DLL3: variants seen among roughly 807,000 people sequenced by gnomAD.
The protein encoded by DLL3 is delta like canonical Notch ligand 3, also known as delta-like protein 3.
Under a neutral mutation model 55.0 loss-of-function variants are expected in DLL3, and 49 were observed. The observed-to-expected ratio is 0.89, with a 90% CI of 0.71 to 1.13. The LOEUF (loss-of-function observed/expected upper bound fraction) is 1.13, where lower values mean the gene tolerates loss of function less well. Ranked by LOEUF, DLL3 falls within the 50% of genes most tolerant of loss-of-function variation. The probability of loss-of-function intolerance (pLI) is 0.00; values close to 1 mark genes in which losing one functional copy is unlikely to be tolerated. For missense variants in DLL3, 962 were observed against 875.5 expected (o/e 1.10, Z -1.25); for synonymous variants, 421 against 385.2 (o/e 1.09, Z -1.09).
At position 39,499,220 on chromosome 19, in the gene DLL3, A is replaced by G. The variant is rs1343166766; in HGVS notation, c.98A>G (p.Gln33Arg). Residue 33 changes from glutamine (Q) to arginine (R), a missense_variant, in exon 2 of 9, where the codon CAG becomes CGG. By Grantham distance (43) the Gln-to-Arg change is conservative (BLOSUM62 1). Transcript: ENST00000356433. ...CGGCCCGCTGGCGTCTTCGAGCTGC[A>G]GATCCACTCTTTCGGGCCGGGTCCA... ...QTRPAGVFEL[Q>R]IHSFGPGPGP... 6.4e-7 allele frequency: 1 copy of G among 1,562,332 alleles called. No individual in the cohort carries two copies. The highest frequency in any genetic ancestry group is 2.4e-5 in the East Asian group (1 of 42,072).
At chr19:39,500,566 C>A in intron 2 of DLL3, 49 bp from the exon 3 acceptor site, 1 of 1,559,784 alleles carries the variant, frequency 6.4e-7, no homozygotes, top group South Asian at 1.1e-5. Flanking sequence ...AGTACTTACC[C>A]TAACCACTGT....
Position 39,503,022 on chromosome 19 carries a change from C to G in DLL3, c.617C>G (p.Pro206Arg). 1 of 1,515,874 alleles carries G rather than the reference C, an allele frequency of 6.6e-7. No individual in the cohort carries two copies. Among genetic ancestry groups the G allele is most frequent in the Non-Finnish European group, 8.8e-7 (1 of 1,138,964 alleles). The allele number at this position is 1,515,874 out of a possible 1,614,324, so 93.9% of individuals were successfully genotyped here. The change falls in exon 4 of 9, where the codon CCC becomes CGC. Residue 206 changes from proline (P) to arginine (R), a missense_variant. Pro to Arg is a moderately radical substitution (Grantham distance 103). Transcript: ENST00000356433. ...APSRCGPGLR[P>R]CAPLEDECEA... Reference sequence around the variant, plus strand: ...TCGCGGTGCGGTCCGGGACTGCGCCCCTGCGCACCGCTCGAGGACGAATGT... The same window carrying G: ...TCGCGGTGCGGTCCGGGACTGCGCCGCTGCGCACCGCTCGAGGACGAATGT...
At position 39,502,813 on chromosome 19, in the gene DLL3, A is replaced by T; in HGVS notation, c.410-2A>T. The T allele has an allele frequency of 7.0e-7, 1 of 1,419,554 alleles. No homozygotes were observed. Among genetic ancestry groups the T allele is most frequent in the Non-Finnish European group, 9.2e-7 (1 of 1,091,930 alleles). 87.9% of individuals were successfully genotyped at this position (1,419,554 alleles called of 1,614,324 possible). A position where few individuals can be genotyped will look rare whatever the true frequency, so the allele number is the denominator to read the frequency against. ...GCACCCCTCCTTTGCCTGTCCTCGC[A>T]GGGCCCGCCTGGAGCCTGCTGGCGC... On this transcript the variant is annotated splice_acceptor_variant, in intron 3 of 8. Transcript: ENST00000356433. LOFTEE classifies it high-confidence loss of function.
chr19:39,500,359 G>A (rs572419724), intron 2 of DLL3, among the ~76,000 whole-genome samples: 2 of 151,058 alleles, frequency 1.3e-5, no homozygotes, highest in African/African-American at 4.8e-5. Flanking sequence ...AGCCTCGGAG[G>A]TTGTTGCAGT....
chr19:39,507,083 C>A lies in DLL3; in HGVS notation c.1138C>A (p.Arg380Ser). ...DLGHALRCRC[R>S]AGFAGPRCEH... ...GGGCCACGCCCTGCGCTGCCGCTGCCGCGCCGGCTTCGCGGGTCCTCGCTG... is the reference window on the plus strand; with the variant it reads ...GGGCCACGCCCTGCGCTGCCGCTGCAGCGCCGGCTTCGCGGGTCCTCGCTG... The change falls in exon 7 of 9, where the codon CGC (arginine) becomes AGC (serine). Residue 380 changes from arginine to serine, a missense_variant. Arg to Ser is a moderately radical substitution (Grantham distance 110). Transcript: ENST00000356433. 6.5e-7 allele frequency: 1 copy of A among 1,543,378 alleles called. No homozygotes were observed. The highest frequency in any genetic ancestry group is 8.7e-7 in the Non-Finnish European group (1 of 1,151,660).
At position 39,505,233 on chromosome 19, in the gene DLL3, C is replaced by T; in HGVS notation, c.875C>T (p.Thr292Ile). 1 of 1,614,008 alleles carries T rather than the reference C, an allele frequency of 6.2e-7. No homozygotes were observed. Among genetic ancestry groups the T allele is most frequent in the Non-Finnish European group, 8.5e-7 (1 of 1,180,024 alleles). The change falls in exon 6 of 9, where the codon ACA becomes ATA. Residue 292 changes from threonine (T) to isoleucine (I), a missense_variant. Thr to Ile is a moderately conservative substitution (Grantham distance 89, BLOSUM62 -1). Coordinates refer to ENST00000356433, the MANE Select transcript of DLL3 (RefSeq NM_203486.3). ...PCANGGSCSE[T>I]PRSFECTCPR... ...AGTACTCTTGTCCCTGCCCAGGAGACACCCAGGTCCTTTGAATGCACCTGC... is the reference window on the plus strand; with the variant it reads ...AGTACTCTTGTCCCTGCCCAGGAGATACCCAGGTCCTTTGAATGCACCTGC...
rs751999027 is a variant in DLL3 at position 39,507,900 on chromosome 19, A to G, written c.1744A>G (p.Ile582Val). 6 of 1,613,882 alleles carry G rather than the reference A, an allele frequency of 3.7e-6. No individual in the cohort carries two copies. The Admixed American group carries it at 8.3e-5, about 22-fold the overall frequency. ...QGIYVISAPS[I>V]YAREA Reference sequence around the variant, plus strand: ...GATTTATGTCATATCTGCTCCTTCCATCTACGCTCGGGAGGTAGCGACGCC... The same window carrying G: ...GATTTATGTCATATCTGCTCCTTCCGTCTACGCTCGGGAGGTAGCGACGCC... The change falls in exon 8 of 9, where the codon ATC (isoleucine) becomes GTC (valine). Residue 582 changes from isoleucine (I) to valine (V), a missense_variant. Transcript: ENST00000356433.
chr19:39,499,141 G>A (rs906170420), intron 1 of DLL3, 51 bp from the exon 2 acceptor site: 1 of 1,607,268 alleles, frequency 6.2e-7, no homozygotes. Flanking sequence ...GGGGCGGACG[G>A]GAAGCCTGGG....
intron 3 of DLL3, 114 bp from the exon 4 acceptor site, chr19:39,502,701 T>C (rs1461727291): frequency 2.4e-6 from 3 of 1,241,928 alleles, no homozygotes; most frequent in Non-Finnish European, 3.0e-6. Context: ...CAGGGCTCCA[T>C]GAGGGTGTTT....
intron 4 of DLL3, among the ~76,000 whole-genome samples, chr19:39,503,463 C>T (rs1600755083): frequency 6.6e-6 from 1 of 152,216 alleles, no homozygotes; most frequent in East Asian, 1.9e-4. Context: ...CAAAGCTCTT[C>T]TAATTCTGCG....
Position 39,507,107 on chromosome 19 carries a change from T to G in DLL3, c.1162T>G (p.Cys388Gly). Residue 388 changes from cysteine (C) to glycine (G), a missense_variant, in exon 7 of 9, where the codon TGC becomes GGC. Cys to Gly is a radical substitution (Grantham distance 159). Coordinates refer to ENST00000356433, the MANE Select transcript of DLL3 (RefSeq NM_203486.3). Reference protein sequence around the residue: ...RCRAGFAGPRCEHDLDDCAGR... With the variant: ...RCRAGFAGPRGEHDLDDCAGR... ...CCGCGCCGGCTTCGCGGGTCCTCGC[T>G]GCGAGCACGACCTGGACGACTGCGC... 6.5e-7 allele frequency: 1 copy of G among 1,542,988 alleles called. No homozygotes were observed. The highest frequency in any genetic ancestry group is 8.7e-7 in the Non-Finnish European group (1 of 1,151,670).
rs774671566 is a variant in DLL3, at chr19:39,499,381, G to C, written c.259G>C (p.Gly87Arg). 1.1e-5 allele frequency: 18 copies of C among 1,569,124 alleles called. No individual in the cohort carries two copies. The highest frequency in any genetic ancestry group is 1.3e-5 in the Non-Finnish European group (15 of 1,164,774). Residue 87 changes from glycine to arginine, a missense_variant, in exon 2 of 9, where the codon GGA (glycine) becomes CGA (arginine). By Grantham distance (125) the Gly-to-Arg change is moderately radical. Coordinates refer to ENST00000356433, the MANE Select transcript of DLL3 (RefSeq NM_203486.3). ...CALGAALSAR[G>R]PVYTEQPGAP... ...CCTGGGCGCGGCGCTGAGTGCGCGC[G>C]GACCGGTCTACACCGAGCAGCCCGG...
At position 39,505,330 on chromosome 19, in the gene DLL3, C is replaced by T. The variant is rs756522217; in HGVS notation, c.972C>T (p.Gly324=). The T allele has an allele frequency of 1.2e-5, 20 of 1,614,084 alleles. No individual in the cohort carries two copies. Among genetic ancestry groups the T allele is most frequent in the African/African-American group, 1.2e-4 (9 of 74,930 alleles). The change falls in exon 6 of 9, where the codon GGC becomes GGT. Residue 324 remains glycine (G), a synonymous_variant. Coordinates refer to ENST00000356433, the MANE Select transcript of DLL3 (RefSeq NM_203486.3). ...VTCADGPCFN[G]GLCVGGADPD... ...GTGCAGATGGACCCTGCTTCAACGGCGGCTTGTGTGTCGGGGGTGCAGACC... is the reference window on the plus strand; with the variant it reads ...GTGCAGATGGACCCTGCTTCAACGGTGGCTTGTGTGTCGGGGGTGCAGACC...
At chr19:39,505,099 C>T in intron 5 of DLL3, 130 bp from the exon 6 acceptor site, 2 of 896,806 alleles carry the variant, frequency 2.2e-6, no homozygotes, top group East Asian at 2.6e-5. Flanking sequence ...GGGAGGACCT[C>T]CCAGGGTGGC....
intron 2 of DLL3, 94 bp from the exon 3 acceptor site, chr19:39,500,521 C>A: frequency 2.6e-6 from 3 of 1,134,150 alleles, no homozygotes; most frequent in Non-Finnish European, 4.0e-6. Flanking sequence ...CAGCAATGGC[C>A]ATCACCCTCC....
chr19:39,502,886 G>A lies in DLL3; in HGVS notation c.481G>A (p.Asp161Asn). 2 of 1,440,728 alleles carry A rather than the reference G, an allele frequency of 1.4e-6. No individual in the cohort carries two copies. Among genetic ancestry groups the A allele is most frequent in the Non-Finnish European group, 1.8e-6 (2 of 1,102,448 alleles). The allele number at this position is 1,440,728 out of a possible 1,614,324, so 89.2% of individuals were successfully genotyped here. ...GGCAGCCGGAGGCCCGTGGGCCCGGGACATTCAGCGCGCAGGCGCCTGGGA... is the reference window on the plus strand; with the variant it reads ...GGCAGCCGGAGGCCCGTGGGCCCGGAACATTCAGCGCGCAGGCGCCTGGGA... ...RLAAGGPWAR[D>N]IQRAGAWELR... Residue 161 changes from aspartate to asparagine, a missense_variant, in exon 4 of 9, where the codon GAC becomes AAC. Coordinates refer to ENST00000356433, the MANE Select transcript of DLL3 (RefSeq NM_203486.3).
At position 39,505,368 on chromosome 19, in the gene DLL3, A is replaced by C; in HGVS notation, c.1010A>C (p.Tyr337Ser). Residue 337 changes from tyrosine to serine, a missense_variant, in exon 6 of 9, where the codon TAC becomes TCC. Transcript: ENST00000356433. Reference protein sequence around the residue: ...CVGGADPDSAYICHCPPGFQG... With the variant: ...CVGGADPDSASICHCPPGFQG... ...GGGGGTGCAGACCCTGACTCTGCCT[A>C]CATCTGCCACTGCCCACCCGGTTTC... 1 of 1,614,142 alleles carries C rather than the reference A, an allele frequency of 6.2e-7. No individual in the cohort carries two copies. The highest frequency in any genetic ancestry group is 1.7e-5 in the Admixed American group (1 of 60,022).
At chr19:39,502,281 T>C (rs1456841243) in intron 3 of DLL3, among the ~76,000 whole-genome samples, 2 of 151,362 alleles carry the variant, frequency 1.3e-5, no homozygotes, top group Admixed American at 1.3e-4. Flanking sequence ...TTTTATTTTT[T>C]TGAGAGGGAG....
Position 39,499,259 on chromosome 19 carries a change from C to T in DLL3, c.137C>T (p.Pro46Leu), listed in dbSNP as rs1428662467. 2 of 1,543,486 alleles carry T rather than the reference C, an allele frequency of 1.3e-6. No individual in the cohort carries two copies. The highest frequency in any genetic ancestry group is 2.7e-5 in the African/African-American group (2 of 73,150). ...SFGPGPGPGA[P>L]RSPCSARLPC... ...GGGCCGGGTCCAGGCCCTGGGGCCCCGCGGTCCCCCTGCAGCGCCCGGCTC... is the reference window on the plus strand; with the variant it reads ...GGGCCGGGTCCAGGCCCTGGGGCCCTGCGGTCCCCCTGCAGCGCCCGGCTC... Residue 46 changes from proline to leucine, a missense_variant, in exon 2 of 9, where the codon CCG (proline) becomes CTG (leucine). Physicochemically the swap from Pro to Leu is moderately conservative, Grantham distance 98 (BLOSUM62 -3). Coordinates refer to ENST00000356433, the MANE Select transcript of DLL3 (RefSeq NM_203486.3).
Sources: gnomAD v4.1 joint callset for allele counts (sites outside exome capture counted in the v4.1 genomes callset) on GRCh38, gnomAD v4.1.1 for gene constraint, MANE v1.5 for transcripts, NCBI Gene and HGNC (gene_info 2026-07-23, HGNC 2026-07-21) for gene names.